The following MTHFD2L variants were observed in gnomAD, a reference collection of about 807,000 sequenced individuals.
MTHFD2L encodes methylenetetrahydrofolate dehydrogenase (NADP+ dependent) 2 like, also known as bifunctional methylenetetrahydrofolate dehydrogenase/cyclohydrolase 2, mitochondrial.
MTHFD2L carries 29 observed loss-of-function variants against 34.9 expected under a neutral mutation model. The observed-to-expected ratio is 0.83, with a 90% CI of 0.62 to 1.13. The LOEUF is 1.13. Ranked by LOEUF, MTHFD2L falls within the 50% of genes most tolerant of loss-of-function variation. The pLI is 0.00. For missense variants in MTHFD2L, 481 were observed against 446.5 expected, an observed-to-expected ratio of 1.08 and a Z score of -0.70; for synonymous variants, 167 against 155.7, an observed-to-expected ratio of 1.07 and a Z score of -0.54.
chr4:74,195,277 G>T (rs1030903199), intron 3 of MTHFD2L: 4 of 152,198 alleles, frequency 2.6e-5, no homozygotes, highest in African/African-American at 9.6e-5. Flanking sequence ...TAATAACATT[G>T]CAGGGTTTTG....
intron 3 of MTHFD2L, among the ~76,000 whole-genome samples, chr4:74,186,896 A>T (rs1196269423): frequency 6.6e-6 from 1 of 152,178 alleles, no homozygotes; most frequent in Non-Finnish European, 1.5e-5. Context: ...ACATTGCCTG[A>T]TGTCAAAATG....
intron 1 of MTHFD2L, among the ~76,000 whole-genome samples, chr4:74,140,060 A>G (rs1259930931): frequency 6.6e-6 from 1 of 152,154 alleles, no homozygotes; most frequent in African/African-American, 2.4e-5. Context: ...TCATGCCCAT[A>G]ATTCTAACAC....
At chr4:74,185,174 A>AAAAC (rs1730953811) in intron 3 of MTHFD2L, among the ~76,000 whole-genome samples, 1 of 150,746 alleles carries the variant, frequency 6.6e-6, no homozygotes, top group Non-Finnish European at 1.5e-5. Context: ...AAAAAAAAAA[A>AAAAC]AAAAATCTGG....
chr4:74,295,186 TC>T (rs1021887765), intron 7 of MTHFD2L, among the ~76,000 whole-genome samples: 1 of 152,032 alleles, frequency 6.6e-6, no homozygotes, highest in Non-Finnish European at 1.5e-5. Flanking sequence ...CATGATCACC[TC>T]CCCGGCCTCC....
chr4:74,260,600 AT>A (rs1164941959), intron 6 of MTHFD2L, among the ~76,000 whole-genome samples: 1 of 152,150 alleles, frequency 6.6e-6, no homozygotes, highest in East Asian at 1.9e-4. Flanking sequence ...GATCATTTCT[AT>A]TGAGTCTTCA....
chr4:74,185,234 T>C (rs1453181776), intron 3 of MTHFD2L, among the ~76,000 whole-genome samples: 1 of 149,184 alleles, frequency 6.7e-6, no homozygotes, highest in South Asian at 2.1e-4. Flanking sequence ...AAATAACCCC[T>C]GTGTCAAATA....
intron 2 of MTHFD2L, among the ~76,000 whole-genome samples, chr4:74,115,949 AG>A (rs1721649259): frequency 6.6e-6 from 1 of 152,216 alleles, no homozygotes; most frequent in Non-Finnish European, 1.5e-5. Flanking sequence ...CAATCAAATA[AG>A]GGGAAAAAAT....
chr4:74,147,624 TG>T (rs1723674753), intron 1 of MTHFD2L, among the ~76,000 whole-genome samples: 1 of 152,226 alleles, frequency 6.6e-6, no homozygotes, highest in African/African-American at 2.4e-5. Context: ...GAGAAAAATC[TG>T]GTTGTCTACC....
intron 3 of MTHFD2L, among the ~76,000 whole-genome samples, chr4:74,180,271 A>T (rs554846660): frequency 9.9e-5 from 15 of 152,214 alleles, no homozygotes; most frequent in Admixed American, 3.9e-4. Flanking sequence ...ATTTTGATAG[A>T]TTGGCTGTAT....
intron 7 of MTHFD2L, among the ~76,000 whole-genome samples, chr4:74,291,368 A>G (rs1383790252): frequency 6.6e-6 from 1 of 151,698 alleles, no homozygotes; most frequent in East Asian, 1.9e-4. Flanking sequence ...TATTCAGACC[A>G]CTGTTTATTT....
intron 2 of MTHFD2L, 51 bp from the exon 3 acceptor site, chr4:74,175,230 A>G (rs748651435): frequency 3.1e-6 from 5 of 1,588,808 alleles, no homozygotes; most frequent in South Asian, 1.2e-5. Flanking sequence ...CTATTGATGA[A>G]AAACCATATT....
intron 5 of MTHFD2L, among the ~76,000 whole-genome samples, chr4:74,215,521 T>A (rs1737059925): frequency 1.3e-5 from 2 of 151,686 alleles, no homozygotes; most frequent in Non-Finnish European, 1.5e-5. Context: ...CTCTGTAGGC[T>A]GTACCCACTG....
chr4:74,221,637 G>A (rs901713852), intron 5 of MTHFD2L, among the ~76,000 whole-genome samples: 7 of 151,910 alleles, frequency 4.6e-5, no homozygotes, highest in Non-Finnish European at 7.4e-5. Flanking sequence ...TGTGTATAAT[G>A]TATGCTGTAT....
At chr4:74,272,866 T>C (rs1001340395) in intron 6 of MTHFD2L, among the ~76,000 whole-genome samples, 4 of 152,170 alleles carry the variant, frequency 2.6e-5, no homozygotes, top group Admixed American at 2.0e-4. Flanking sequence ...AGGTGTCAAA[T>C]AACCTATCCT....
intron 1 of MTHFD2L, among the ~76,000 whole-genome samples, chr4:74,137,692 T>G (rs1723028673): frequency 1.3e-5 from 2 of 152,202 alleles, no homozygotes; most frequent in African/African-American, 4.8e-5. Flanking sequence ...ATAGGCAAAA[T>G]ATAGAATCAA....
intron 6 of MTHFD2L, among the ~76,000 whole-genome samples, chr4:74,233,736 A>G (rs1740433214): frequency 1.3e-5 from 2 of 152,012 alleles, no homozygotes; most frequent in Admixed American, 6.6e-5. Context: ...TCCAAGATCG[A>G]TCACCTCAGA....
intron 1 of MTHFD2L, among the ~76,000 whole-genome samples, chr4:74,146,536 G>A (rs903253899): frequency 7.9e-5 from 12 of 152,034 alleles, no homozygotes; most frequent in Admixed American, 2.6e-4. Context: ...CCAAGAACCT[G>A]GGAGCCACCA....
chr4:74,279,481 A>T (rs1216119931), intron 6 of MTHFD2L, among the ~76,000 whole-genome samples: 1 of 152,066 alleles, frequency 6.6e-6, no homozygotes, highest in East Asian at 1.9e-4. Context: ...ACAAATATTT[A>T]AAGTTTTTTT....
At chr4:74,290,011 A>G (rs1165193494) in intron 7 of MTHFD2L, among the ~76,000 whole-genome samples, 3 of 152,228 alleles carry the variant, frequency 2.0e-5, no homozygotes, top group Non-Finnish European at 4.4e-5. Context: ...TATGCACTCA[A>G]TAGCAGACCC....
Sources: allele counts gnomAD v4.1 joint callset (sites outside exome capture counted in the v4.1 genomes callset), GRCh38; gene constraint gnomAD v4.1.1; transcripts MANE v1.5; gene names NCBI Gene and HGNC (gene_info 2026-07-23, HGNC 2026-07-21).